Variants in STX12 observed in about 807,000 individuals in gnomAD.
The protein encoded by STX12 is syntaxin-12.
In STX12, 17 loss-of-function variants were observed where a neutral mutation model predicts 42.2. The ratio of observed to expected loss-of-function variants is 0.40; its 90% CI spans 0.28 to 0.60. The LOEUF (loss-of-function observed/expected upper bound fraction) is 0.60, where lower values mean the gene tolerates loss of function less well. Among genes scored for constraint, STX12 ranks in the 20% least tolerant of loss-of-function variants. STX12 has a pLI of 0.39. For synonymous variants in STX12, 108 were observed against 116.7 expected, an observed-to-expected ratio of 0.93 and a Z score of 0.48; for missense variants, 297 against 330.9, an observed-to-expected ratio of 0.90 and a Z score of 0.79.
chr1:27,777,271 A>G (rs1253082291), intron 1 of STX12, among the ~76,000 whole-genome samples: 1 of 152,150 alleles, frequency 6.6e-6, no homozygotes, highest in Admixed American at 6.5e-5. Context: ...GTGAGTAGAC[A>G]TGTGAATGAA....
At position 27,803,978 on chromosome 1, in the gene STX12, G is replaced by A. The variant is rs145539477; in HGVS notation, c.426+2163G>A. On this transcript the variant is annotated intron_variant, in intron 4 of 8. Coordinates refer to ENST00000373943, the MANE Select transcript of STX12 (RefSeq NM_177424.3). ...ATTGTGCCCCTGTGCTCCAGCCTGG[G>A]CGACACAACAAGATTGTATCTCAAA... Among the ~76,000 whole-genome samples, 276 of 151,948 alleles carry A rather than the reference G, an allele frequency of 1.8e-3. 2 individuals are homozygous for A. Among genetic ancestry groups the A allele is most frequent in the African/African-American group, 6.5e-3 (269 of 41,406 alleles).
At chr1:27,799,861 C>T (rs2088815577) in intron 3 of STX12, among the ~76,000 whole-genome samples, 1 of 152,246 alleles carries the variant, frequency 6.6e-6, no homozygotes, top group East Asian at 1.9e-4. Flanking sequence ...AAGCAATTCT[C>T]CTGCCTCAGC....
chr1:27,804,152 G>A (rs1391036885), intron 4 of STX12, among the ~76,000 whole-genome samples: 5 of 152,074 alleles, frequency 3.3e-5, no homozygotes, highest in South Asian at 2.1e-4. Context: ...GTGGCCGGGC[G>A]CAGTGGCTCA....
At chr1:27,817,158 CA>C (rs987977220) in intron 6 of STX12, among the ~76,000 whole-genome samples, 4 of 152,010 alleles carry the variant, frequency 2.6e-5, no homozygotes, top group African/African-American at 9.7e-5. Context: ...GGGATTTTGC[CA>C]ATGTTAAATT....
intron 1 of STX12, among the ~76,000 whole-genome samples, chr1:27,781,679 A>G (rs1037663551): frequency 2.6e-5 from 4 of 152,070 alleles, no homozygotes; most frequent in Non-Finnish European, 5.9e-5. Flanking sequence ...GCACGCACTT[A>G]TATTATATAT....
At chr1:27,787,149 A>G (rs1369517095) in intron 1 of STX12, among the ~76,000 whole-genome samples, 1 of 152,228 alleles carries the variant, frequency 6.6e-6, no homozygotes, top group Non-Finnish European at 1.5e-5. Flanking sequence ...ATATGGTCTC[A>G]AAATAAGATG....
intron 8 of STX12, 110 bp downstream of exon 8, chr1:27,819,842 G>A (rs1307063782): frequency 3.6e-6 from 3 of 844,634 alleles, no homozygotes; most frequent in Non-Finnish European, 5.5e-6. Flanking sequence ...TTAAGCTAAA[G>A]GAAAGTAGTC....
intron 6 of STX12, among the ~76,000 whole-genome samples, chr1:27,816,007 C>A (rs968105050): frequency 6.6e-6 from 1 of 151,918 alleles, no homozygotes; most frequent in Admixed American, 6.6e-5. Flanking sequence ...GAAACTCTGT[C>A]TCTACTAAAA....
chr1:27,796,592 A>G (rs977638115), intron 3 of STX12, among the ~76,000 whole-genome samples: 5 of 151,782 alleles, frequency 3.3e-5, no homozygotes, highest in African/African-American at 4.8e-5. Flanking sequence ...GAGTCTTGCT[A>G]TGTTGCCCAG....
chr1:27,799,967 G>A (rs949441411), intron 3 of STX12, among the ~76,000 whole-genome samples: 5 of 147,074 alleles, frequency 3.4e-5, no homozygotes, highest in South Asian at 2.2e-4. Flanking sequence ...TGGCCAGGAC[G>A]GTCTTGAATA....
chr1:27,777,341 GAC>G (rs1342305233), intron 1 of STX12, among the ~76,000 whole-genome samples: 1 of 152,162 alleles, frequency 6.6e-6, no homozygotes, highest in Non-Finnish European at 1.5e-5. Flanking sequence ...CAAGAGCAAG[GAC>G]TTTGATGTGT....
chr1:27,778,501 G>A (rs540858388), intron 1 of STX12, among the ~76,000 whole-genome samples: 2 of 152,144 alleles, frequency 1.3e-5, no homozygotes, highest in Non-Finnish European at 2.9e-5. Context: ...GACCAGCCTG[G>A]CCAACATGGC....
At chr1:27,818,911 G>C (rs527290135) in intron 7 of STX12, among the ~76,000 whole-genome samples, 16 of 151,746 alleles carry the variant, frequency 1.1e-4, no homozygotes, top group African/African-American at 3.9e-4. Context: ...ACAGGCGTGA[G>C]CCACCACGCC....
chr1:27,798,438 A>G (rs1165997856), intron 3 of STX12, among the ~76,000 whole-genome samples: 1 of 151,892 alleles, frequency 6.6e-6, no homozygotes, highest in African/African-American at 2.4e-5. Flanking sequence ...TGAGGTCAGG[A>G]GTTTGAGACC....
chr1:27,773,267 T>C lies in STX12; in HGVS notation c.-41T>C. 1 of 1,374,656 alleles carries C rather than the reference T, an allele frequency of 7.3e-7. No individual in the cohort carries two copies. Among genetic ancestry groups the C allele is most frequent in the East Asian group, 2.5e-5 (1 of 40,792 alleles). 85.2% of individuals were successfully genotyped at this position (1,374,656 alleles called of 1,614,324 possible). On this transcript the variant is annotated 5_prime_UTR_variant, in exon 1 of 9. Coordinates refer to ENST00000373943, the MANE Select transcript of STX12 (RefSeq NM_177424.3). Reference sequence around the variant, plus strand: ...GGTCCCGGCTGGCGGCTGCTTCCGGTAGGAGAGCGGTGTAGAGCGAGCAGG... The same window carrying C: ...GGTCCCGGCTGGCGGCTGCTTCCGGCAGGAGAGCGGTGTAGAGCGAGCAGG...
At chr1:27,783,356 A>G (rs1052094101) in intron 1 of STX12, among the ~76,000 whole-genome samples, 16 of 152,156 alleles carry the variant, frequency 1.1e-4, no homozygotes, top group Admixed American at 7.9e-4. Context: ...TTTTTTTGAG[A>G]TGGAGTCGCG....
rs1438782034 is a variant in STX12, at chr1:27,793,539, G to C, written c.195G>C (p.Gln65His). The change falls in exon 3 of 9, where the codon CAG becomes CAC. Residue 65 changes from glutamine (Q) to histidine (H), a missense_variant. Physicochemically the swap from Gln to His is conservative, Grantham distance 24 (BLOSUM62 0). Coordinates refer to ENST00000373943, the MANE Select transcript of STX12 (RefSeq NM_177424.3). ...CATATCTTTTCTCTCTTAGGCAACA[G>C]TTACAACACTCCACAAATCAGCTCG... is the stretch of plus-strand genomic sequence containing the variant. ...DSSKLQENLQ[Q>H]LQHSTNQLAK... 6.2e-7 allele frequency: 1 copy of C among 1,613,920 alleles called. No individual in the cohort carries two copies. The highest frequency in any genetic ancestry group is 2.2e-5 in the East Asian group (1 of 44,870).
rs544680405 is a variant in STX12, at chr1:27,815,892, T to C, written c.577-1959T>C. On this transcript the variant is annotated intron_variant, in intron 6 of 8. Transcript: ENST00000373943. ...ATCATGAGTCAGAAAAACTCAAATA[T>C]AGGCCAGACGTGGTGGTTCACACCT... is the stretch of plus-strand genomic sequence containing the variant. 2.0e-5 allele frequency among the ~76,000 whole-genome samples: 3 copies of C among 152,294 alleles called. No homozygotes were observed. The South Asian group carries it at 6.2e-4, about 32-fold the overall frequency.
chr1:27,780,646 A>C (rs2088662017), intron 1 of STX12, among the ~76,000 whole-genome samples: 1 of 152,106 alleles, frequency 6.6e-6, no homozygotes, highest in Admixed American at 6.6e-5. Flanking sequence ...AAAATGAGTG[A>C]AATTATTAAA....
Sources: allele counts gnomAD v4.1 joint callset (sites outside exome capture counted in the v4.1 genomes callset), GRCh38; gene constraint gnomAD v4.1.1; transcripts MANE v1.5; gene names NCBI Gene and HGNC (gene_info 2026-07-23, HGNC 2026-07-21).